The following DNAAF4 variants were observed in gnomAD, a reference collection of about 807,000 sequenced individuals.
The protein encoded by DNAAF4 is dynein axonemal assembly factor 4, also known as dynein assembly factor 4, axonemal.
Under a neutral mutation model 51.8 loss-of-function variants are expected in DNAAF4, and 43 were observed. The observed-to-expected ratio is 0.83, with a 90% CI of 0.65 to 1.07. The LOEUF (loss-of-function observed/expected upper bound fraction) is 1.07, where lower values mean the gene tolerates loss of function less well. Among genes scored for constraint, DNAAF4 ranks in the 50% least tolerant of loss-of-function variants. The pLI, the probability that DNAAF4 is intolerant of heterozygous loss-of-function variation, is 0.00. For synonymous variants in DNAAF4, 194 were observed against 165.6 expected (o/e 1.17, Z -1.32); for missense variants, 581 against 493.0 (o/e 1.18, Z -1.69).
At chr15:55,431,474 CTTTTT>C (rs55839604) in intron 9 of DNAAF4, among the ~76,000 whole-genome samples, 1 of 134,910 alleles carries the variant, frequency 7.4e-6, no homozygotes, top group Admixed American at 7.5e-5. Context: ...TATATTTTAT[CTTTTT>C]TTTTTTTTTT....
intron 4 of DNAAF4, among the ~76,000 whole-genome samples, chr15:55,473,198 A>AAATATATATAT (rs1209754897): frequency 1.3e-5 from 1 of 75,750 alleles, no homozygotes; most frequent in African/African-American, 5.4e-5. Flanking sequence ...AAAAAAAAAA[A>AAATATATATAT]ATATATATAT....
At chr15:55,431,110 T>C (rs1373940484) in intron 9 of DNAAF4, among the ~76,000 whole-genome samples, 1 of 152,070 alleles carries the variant, frequency 6.6e-6, no homozygotes, top group African/African-American at 2.4e-5. Context: ...AGATGGGGTT[T>C]CACCGTGTTA....
At chr15:55,488,924 T>C (rs1295320212) in intron 4 of DNAAF4, among the ~76,000 whole-genome samples, 1 of 151,934 alleles carries the variant, frequency 6.6e-6, no homozygotes, top group East Asian at 1.9e-4. Context: ...CTGTCTCTAC[T>C]AAAAATACAA....
intron 4 of DNAAF4, among the ~76,000 whole-genome samples, chr15:55,471,832 T>A (rs1361222175): frequency 6.8e-6 from 1 of 147,560 alleles, no homozygotes; most frequent in Non-Finnish European, 1.5e-5. Flanking sequence ...TAAAGATATT[T>A]TGTTATTTAT....
At chr15:55,422,805 T>G (rs924413756) in intron 7 of DNAAF4, among the ~76,000 whole-genome samples, 2 of 152,122 alleles carry the variant, frequency 1.3e-5, no homozygotes, top group South Asian at 4.1e-4. Flanking sequence ...GAGACCAACC[T>G]GGCCAACATG....
chr15:55,466,477 C>T (rs1162949094), intron 5 of DNAAF4, among the ~76,000 whole-genome samples: 1 of 152,136 alleles, frequency 6.6e-6, no homozygotes, highest in East Asian at 1.9e-4. Context: ...AGATTAAAAG[C>T]TAGAAGCAAT....
chr15:55,432,400 A>C (rs1366814551), intron 9 of DNAAF4, 97 bp downstream of exon 9: 22 of 839,076 alleles, frequency 2.6e-5, no homozygotes, highest in Admixed American at 1.8e-4. Context: ...AAAATATTTA[A>C]AAATGGAGTC....
intron 7 of DNAAF4, among the ~76,000 whole-genome samples, chr15:55,419,804 C>T (rs1005234875): frequency 2.0e-5 from 3 of 152,018 alleles, no homozygotes; most frequent in South Asian, 2.1e-4. Context: ...TAAGACCGAC[C>T]GGCCTGGCCA....
intron 7 of DNAAF4, among the ~76,000 whole-genome samples, 164 bp downstream of exon 7, chr15:55,439,308 C>T (rs552237987): frequency 6.6e-5 from 10 of 152,268 alleles, no homozygotes; most frequent in African/African-American, 1.7e-4. Context: ...CAAAATCTCG[C>T]TTTGTTGCCC....
chr15:55,465,028 A>T (rs2058148388), intron 5 of DNAAF4, among the ~76,000 whole-genome samples: 1 of 152,196 alleles, frequency 6.6e-6, no homozygotes, highest in Admixed American at 6.6e-5. Context: ...TATTAGGGAA[A>T]TGCAAATCAA....
intron 7 of DNAAF4, chr15:55,418,184 C>A: frequency 6.4e-7 from 1 of 1,560,586 alleles, no homozygotes; most frequent in Non-Finnish European, 8.6e-7. Flanking sequence ...TTTTTCAGAA[C>A]TTTATAATGG....
At chr15:55,428,987 T>C (rs1235230091), downstream of DNAAF4, among the ~76,000 whole-genome samples, 3 of 149,302 alleles carry the variant, frequency 2.0e-5, no homozygotes, top group East Asian at 2.0e-4. Context: ...TTTGGGAGGC[T>C]GAGGCAGGCA....
At chr15:55,502,882 A>T (rs1170369673) in intron 1 of DNAAF4, among the ~76,000 whole-genome samples, 1 of 152,200 alleles carries the variant, frequency 6.6e-6, no homozygotes, top group African/African-American at 2.4e-5. Context: ...GCAAGAGCAA[A>T]CACATTCAAA....
At position 55,498,319 on chromosome 15, in the gene DNAAF4, T is replaced by C. The variant is rs1567036454; in HGVS notation, c.11A>G (p.Gln4Arg). The change falls in exon 2 of 10, where the codon CAG becomes CGG. Residue 4 changes from glutamine (Q) to arginine (R), a missense_variant. Transcript: ENST00000321149. Reference protein sequence around the residue: MPLQVSDYSWQQTK... With the variant: MPLRVSDYSWQQTK... ...CTGCTGCCAGCTGTAATCGCTAACC[T>C]GAAGAGGCATTCCGGTAGCAACGGG... The C allele has an allele frequency of 4.4e-6, 7 of 1,605,342 alleles. No homozygotes were observed. Among genetic ancestry groups the C allele is most frequent in the East Asian group, 4.5e-5 (2 of 44,168 alleles).
intron 3 of DNAAF4, among the ~76,000 whole-genome samples, chr15:55,493,729 G>T (rs2058603348): frequency 6.6e-6 from 1 of 151,882 alleles, no homozygotes; most frequent in South Asian, 2.1e-4. Context: ...TTTGAGAGAG[G>T]ATCACATACT....
downstream of DNAAF4, among the ~76,000 whole-genome samples, chr15:55,425,936 G>A (rs2057427150): frequency 1.3e-5 from 2 of 152,234 alleles, no homozygotes; most frequent in African/African-American, 2.4e-5. Flanking sequence ...AACTGCAACA[G>A]AGACAGAGTA....
chr15:55,448,887 ATT>A (rs1263628546), intron 6 of DNAAF4, among the ~76,000 whole-genome samples: 22 of 151,114 alleles, frequency 1.5e-4, no homozygotes, highest in African/African-American at 4.6e-4. Context: ...AATAATAATT[ATT>A]ATTATTATTA....
At chr15:55,466,872 G>A in intron 5 of DNAAF4, 58 bp downstream of exon 5, 1 of 1,557,798 alleles carries the variant, frequency 6.4e-7, no homozygotes. Context: ...AAAAAGAAAA[G>A]CGTCATATAT....
chr15:55,496,862 A>T (rs1438598912), intron 3 of DNAAF4, among the ~76,000 whole-genome samples: 1 of 152,054 alleles, frequency 6.6e-6, no homozygotes, highest in African/African-American at 2.4e-5. Flanking sequence ...ATGCAGGGAG[A>T]GGTTTTGCCA....
Sources: allele counts gnomAD v4.1 joint callset (sites outside exome capture counted in the v4.1 genomes callset), GRCh38; gene constraint gnomAD v4.1.1; transcripts MANE v1.5; gene names NCBI Gene and HGNC (gene_info 2026-07-23, HGNC 2026-07-21).